The following CACNA1D variants were observed in gnomAD, a reference collection of about 807,000 sequenced individuals.
The protein encoded by CACNA1D is calcium voltage-gated channel subunit alpha1 D.
Under a neutral mutation model 257.1 loss-of-function variants are expected in CACNA1D, and 55 were observed. That is an observed-to-expected ratio of 0.21 (90% CI 0.17 to 0.27). CACNA1D has a LOEUF of 0.27. Among genes scored for constraint, CACNA1D ranks in the 10% least tolerant of loss-of-function variants. The pLI, the probability that CACNA1D is intolerant of heterozygous loss-of-function variation, is 1.00. For missense variants in CACNA1D, 1,876 were observed against 2,784.0 expected, an observed-to-expected ratio of 0.67 and a Z score of 7.34; for synonymous variants, 980 against 1,014.9, an observed-to-expected ratio of 0.97 and a Z score of 0.65.
At chr3:53,577,834 A>G (rs1473512085) in intron 3 of CACNA1D, among the ~76,000 whole-genome samples, 1 of 152,224 alleles carries the variant, frequency 6.6e-6, no homozygotes, top group Non-Finnish European at 1.5e-5. Context: ...TAAGGAATGC[A>G]GCTTCTTTAG....
chr3:53,727,080 A>G (rs889496082), intron 15 of CACNA1D, 81 bp downstream of exon 15: 20 of 1,521,610 alleles, frequency 1.3e-5, no homozygotes, highest in Admixed American at 1.7e-5. Flanking sequence ...CTCTGTGGTG[A>G]TGGTGGTGGT....
intron 8 of CACNA1D, among the ~76,000 whole-genome samples, chr3:53,680,336 T>G (rs2094417974): frequency 6.6e-6 from 1 of 150,752 alleles, no homozygotes; most frequent in Non-Finnish European, 1.5e-5. Context: ...CATCTGTTCC[T>G]GACCAAGTTC....
At chr3:53,522,210 G>T (rs2091606886) in intron 3 of CACNA1D, among the ~76,000 whole-genome samples, 1 of 152,184 alleles carries the variant, frequency 6.6e-6, no homozygotes. Flanking sequence ...TTGTTTCCAT[G>T]ATTGCAGCCA....
intron 3 of CACNA1D, among the ~76,000 whole-genome samples, chr3:53,588,039 A>G (rs985789714): frequency 6.6e-6 from 1 of 152,164 alleles, no homozygotes; most frequent in African/African-American, 2.4e-5. Flanking sequence ...ATACACTCAT[A>G]ATGGTTTCAA....
intron 3 of CACNA1D, among the ~76,000 whole-genome samples, chr3:53,537,678 GT>G (rs1218757991): frequency 6.6e-6 from 1 of 152,140 alleles, no homozygotes; most frequent in Non-Finnish European, 1.5e-5. Flanking sequence ...ATACAGGTAG[GT>G]TTCACACAGT....
At position 53,751,142 on chromosome 3, in the gene CACNA1D, G is replaced by A. The variant is rs911255109; in HGVS notation, c.3517-607G>A. Among the ~76,000 whole-genome samples, 3 of 152,192 alleles carry A rather than the reference G, an allele frequency of 2.0e-5. No individual in the cohort carries two copies. Among genetic ancestry groups the A allele is most frequent in the Admixed American group, 2.0e-4 (3 of 15,282 alleles). ...AAGCTCCCCAGCCCAGAAGCTCCCC[G>A]ATGGACATGTGGATAGCTCCCCATA... On this transcript the variant is annotated intron_variant, in intron 27 of 47. Transcript: ENST00000350061. This position sits in a 1 kb window ranked among gnomAD's most constrained non-coding sequence, Gnocchi z 4.3.
rs1448293675 is a variant in CACNA1D at position 53,793,817 on chromosome 3, T to C, written c.4924-6432T>C. Reference sequence around the variant, plus strand: ...AAACTGCAGAGACACCGCTGTCGTTTCTCTTAAAGCCTTGGCAGAGAAGTG... The same window carrying C: ...AAACTGCAGAGACACCGCTGTCGTTCCTCTTAAAGCCTTGGCAGAGAAGTG... On this transcript the variant is annotated intron_variant, in intron 40 of 47. Coordinates refer to ENST00000350061, the MANE Select transcript of CACNA1D (RefSeq NM_001128840.3). This position sits in a 1 kb window ranked among gnomAD's most constrained non-coding sequence, Gnocchi z 4.1. 3.3e-5 allele frequency among the ~76,000 whole-genome samples: 5 copies of C among 152,224 alleles called. No homozygotes were observed. The highest frequency in any genetic ancestry group is 7.3e-5 in the Non-Finnish European group (5 of 68,050).
At chr3:53,586,040 G>A (rs2093209786) in intron 3 of CACNA1D, among the ~76,000 whole-genome samples, 1 of 152,074 alleles carries the variant, frequency 6.6e-6, no homozygotes, top group Non-Finnish European at 1.5e-5. Context: ...TATGGTTCAG[G>A]AACAAAGCAG....
Position 53,749,320 on chromosome 3 carries a change from A to G in CACNA1D, c.3367A>G (p.Asn1123Asp), listed in dbSNP as rs765372540. The change falls in exon 27 of 48, where the codon AAC (asparagine) becomes GAC (aspartate). Residue 1123 changes from asparagine (N) to aspartate (D), a missense_variant. Coordinates refer to ENST00000350061, the MANE Select transcript of CACNA1D (RefSeq NM_001128840.3). Reference protein sequence around the residue: ...SNGENIGPIYNHRVEISIFFI... With the variant: ...SNGENIGPIYDHRVEISIFFI... ...TGGAGAGAACATCGGCCCAATCTACAACCACCGCGTGGAGATCTCCATCTT... is the reference window on the plus strand; with the variant it reads ...TGGAGAGAACATCGGCCCAATCTACGACCACCGCGTGGAGATCTCCATCTT... The G allele has an allele frequency of 2.5e-6, 4 of 1,613,760 alleles. No individual in the cohort carries two copies. The highest frequency in any genetic ancestry group is 3.4e-6 in the Non-Finnish European group (4 of 1,179,842).
chr3:53,800,738 G>T lies in CACNA1D; in HGVS notation c.5041-320G>T. 3.9e-6 allele frequency: 2 copies of T among 510,282 alleles called. No individual in the cohort carries two copies. Among genetic ancestry groups the T allele is most frequent in the East Asian group, 3.7e-5 (1 of 27,176 alleles). The allele number at this position is 510,282 out of a possible 1,614,324, so 31.6% of individuals were successfully genotyped here. ...CTGGCTGTCAGTCCCCCAGCCCAGA[G>T]AGCATGCCCAACCTTGGGGCCACCA... On this transcript the variant is annotated intron_variant, in intron 41 of 47. Transcript: ENST00000350061. The surrounding 1 kb of genome is among the most constrained non-coding windows in gnomAD (Gnocchi z 4.3).
chr3:53,696,117 T>C (rs1205125589), intron 8 of CACNA1D, among the ~76,000 whole-genome samples: 1 of 152,092 alleles, frequency 6.6e-6, no homozygotes, highest in Non-Finnish European at 1.5e-5. Flanking sequence ...GTGCATGCCA[T>C]TGCACTTGGC....
At chr3:53,681,371 AG>A (rs2094428504) in intron 8 of CACNA1D, among the ~76,000 whole-genome samples, 1 of 152,230 alleles carries the variant, frequency 6.6e-6, no homozygotes, top group Non-Finnish European at 1.5e-5. Flanking sequence ...CTTGGCCTGC[AG>A]GCAGTTGAAT....
intron 45 of CACNA1D, among the ~76,000 whole-genome samples, chr3:53,806,862 G>A (rs1047290200): frequency 2.6e-5 from 4 of 152,132 alleles, no homozygotes; most frequent in Admixed American, 6.5e-5. Context: ...AGGTGAGGCC[G>A]GGTGATGGCC....
chr3:53,537,293 C>T (rs1461195031), intron 3 of CACNA1D, among the ~76,000 whole-genome samples: 1 of 152,114 alleles, frequency 6.6e-6, no homozygotes, highest in Non-Finnish European at 1.5e-5. Context: ...CAAATATGTA[C>T]AGCACAAGAC....
At chr3:53,594,784 C>T (rs1343132337) in intron 3 of CACNA1D, among the ~76,000 whole-genome samples, 3 of 152,196 alleles carry the variant, frequency 2.0e-5, no homozygotes, top group Admixed American at 6.5e-5. Context: ...AATTCCACAC[C>T]CTTGTGTGTA....
At chr3:53,725,315 C>T (rs1028825042) in intron 14 of CACNA1D, among the ~76,000 whole-genome samples, 2 of 152,252 alleles carry the variant, frequency 1.3e-5, no homozygotes, top group African/African-American at 4.8e-5. Flanking sequence ...TGCGTCCATG[C>T]GGTGGTAGAT....
rs141467447 is a variant in CACNA1D, at chr3:53,665,896, A to G, written c.919+84A>G. 440 of 1,127,184 alleles carry G rather than the reference A, an allele frequency of 3.9e-4. 1 individual carries two copies. In the African/African-American group the frequency reaches 5.7e-3, roughly 15 times the overall value. The allele number at this position is 1,127,184 out of a possible 1,614,324, so 69.8% of individuals were successfully genotyped here. ...AACTTTCATGGTTTGGGGAAAATCT[A>G]AAACAAAATAGGAAAAAAAATGCCC... On this transcript the variant is annotated intron_variant, in intron 6 of 47. Coordinates refer to ENST00000350061, the MANE Select transcript of CACNA1D (RefSeq NM_001128840.3).
At chr3:53,617,456 G>A (rs3774477) in intron 3 of CACNA1D, among the ~76,000 whole-genome samples, 15,397 of 152,186 alleles carry the variant, frequency 0.1, 840 homozygotes, top group African/African-American at 0.13. Flanking sequence ...ACTGAAAGTA[G>A]TATTTTCAGT....
intron 8 of CACNA1D, among the ~76,000 whole-genome samples, chr3:53,691,836 T>C: frequency 8.6e-6 from 1 of 116,024 alleles, no homozygotes; most frequent in African/African-American, 3.2e-5. Flanking sequence ...CTATAATATA[T>C]ATTACATATA....
Sources: gnomAD v4.1 joint callset for allele counts (sites outside exome capture counted in the v4.1 genomes callset) on GRCh38, gnomAD v4.1.1 for gene constraint, Gnocchi (gnomAD v3.1) non-coding constraint, MANE v1.5 for transcripts, NCBI Gene and HGNC (gene_info 2026-07-23, HGNC 2026-07-21) for gene names.